The following SLC44A5 variants were observed in gnomAD, a reference collection of about 807,000 sequenced individuals.
SLC44A5 encodes solute carrier family 44 member 5.
In SLC44A5, 57 loss-of-function variants were observed where a neutral mutation model predicts 101.8. That is an observed-to-expected ratio of 0.56 (90% CI 0.45 to 0.70). The LOEUF (loss-of-function observed/expected upper bound fraction) is 0.70. SLC44A5 is among the 30% of genes least tolerant of loss of function. The pLI, the probability that SLC44A5 is intolerant of heterozygous loss-of-function variation, is 0.00. For missense variants in SLC44A5, 737 were observed against 853.1 expected (o/e 0.86, Z 1.70); for synonymous variants, 281 against 290.9 (o/e 0.97, Z 0.35).
At chr1:75,625,670 A>G in the SLC44A5 span, among the ~76,000 whole-genome samples, 1 of 152,130 alleles carries the variant, frequency 6.6e-6, no homozygotes, top group Non-Finnish European at 1.5e-5. Flanking sequence ...GGGCCAGTGA[A>G]GCTGGACTAT....
the SLC44A5 span, among the ~76,000 whole-genome samples, chr1:75,655,111 C>T: frequency 1.3e-5 from 2 of 152,078 alleles, no homozygotes; most frequent in African/African-American, 2.4e-5. Flanking sequence ...TTAGCTAATG[C>T]TTCTGTTATC....
intron 2 of SLC44A5, among the ~76,000 whole-genome samples, chr1:75,410,131 A>G (rs1425878937): frequency 1.3e-5 from 2 of 152,114 alleles, no homozygotes; most frequent in South Asian, 2.1e-4. Flanking sequence ...TATGTTATAT[A>G]TGTTACACAT....
chr1:75,540,200 C>A (rs1671283193), intron 2 of SLC44A5, among the ~76,000 whole-genome samples: 1 of 152,160 alleles, frequency 6.6e-6, no homozygotes, highest in Non-Finnish European at 1.5e-5. Flanking sequence ...TACTACTTCT[C>A]AGGCACTGTG....
rs145539620 is a variant in SLC44A5 at position 75,552,258 on chromosome 1, T to C, written c.-69-10742A>G. On this transcript the variant is annotated intron_variant, in intron 1 of 23. Coordinates refer to ENST00000370859, the MANE Select transcript of SLC44A5 (RefSeq NM_001130058.2). Reference sequence around the variant, plus strand: ...TAGTGTCCTTTCCATCCCTAGTATCTGTAAACTATATTCACTACTAAATTC... The same window carrying C: ...TAGTGTCCTTTCCATCCCTAGTATCCGTAAACTATATTCACTACTAAATTC... Among the ~76,000 whole-genome samples, 1,181 of 152,216 alleles carry C rather than the reference T, an allele frequency of 7.8e-3. 14 individuals carry two copies. Among genetic ancestry groups the C allele is most frequent in the African/African-American group, 0.027 (1,124 of 41,530 alleles).
chr1:75,399,716 G>A (rs900890448), intron 2 of SLC44A5, among the ~76,000 whole-genome samples: 1 of 152,270 alleles, frequency 6.6e-6, no homozygotes, highest in East Asian at 1.9e-4. Flanking sequence ...TAAAAAAATT[G>A]TATATCTGGA....
At chr1:75,207,638 G>A (rs1034509929) in intron 23 of SLC44A5, among the ~76,000 whole-genome samples, 1 of 152,134 alleles carries the variant, frequency 6.6e-6, no homozygotes, top group Non-Finnish European at 1.5e-5. Context: ...AAAAGCAAAA[G>A]AGGGAACATG....
At chr1:75,681,799 G>A in the SLC44A5 span, among the ~76,000 whole-genome samples, 25 of 151,722 alleles carry the variant, frequency 1.6e-4, no homozygotes, top group African/African-American at 6.1e-4. Context: ...ATTCAATTAG[G>A]AAAAGAGGAA....
intron 2 of SLC44A5, among the ~76,000 whole-genome samples, chr1:75,409,933 T>TATA (rs563021785): frequency 1.9e-3 from 284 of 152,238 alleles, no homozygotes; most frequent in African/African-American, 6.2e-3. Flanking sequence ...CATACATACA[T>TATA]ATATACTTGC....
In SLC44A5 at chr1:75,414,317, ATC is replaced by A. The variant is rs1201374469; in HGVS notation, c.14-17698_14-17697del. On this transcript the variant is annotated intron_variant, in intron 2 of 23. Coordinates refer to ENST00000370859, the MANE Select transcript of SLC44A5 (RefSeq NM_001130058.2). ...TACATACATACATACATACATACAT[ATC>A]CACATACACACACACACACACACAC... Among the ~76,000 whole-genome samples the A allele has an allele frequency of 4.3e-3, 579 of 133,940 alleles. 3 individuals carry two copies. The highest frequency in any genetic ancestry group is 0.017 in the African/African-American group (546 of 32,808). The allele number at this position is 133,940 out of a possible 152,430, so 87.9% of individuals were successfully genotyped here.
chr1:75,457,623 C>T (rs527665310), intron 2 of SLC44A5, among the ~76,000 whole-genome samples: 3 of 152,176 alleles, frequency 2.0e-5, no homozygotes, highest in South Asian at 4.2e-4. Context: ...TTTGGGAGGC[C>T]GAGGTGGGTG....
chr1:75,626,790 C>T, the SLC44A5 span, among the ~76,000 whole-genome samples: 33 of 152,156 alleles, frequency 2.2e-4, no homozygotes, highest in Admixed American at 1.8e-3. Flanking sequence ...TCCATCTTCA[C>T]ATTGATGCCT....
chr1:75,430,603 C>T (rs1473828632), intron 2 of SLC44A5, among the ~76,000 whole-genome samples: 1 of 152,122 alleles, frequency 6.6e-6, no homozygotes, highest in Non-Finnish European at 1.5e-5. Flanking sequence ...GAAACTTAGA[C>T]TTTATCATAT....
the SLC44A5 span, among the ~76,000 whole-genome samples, chr1:75,686,133 T>C: frequency 6.6e-6 from 1 of 152,122 alleles, no homozygotes; most frequent in East Asian, 1.9e-4. Flanking sequence ...GTCCCTCCCA[T>C]GACACATGGA....
At chr1:75,304,309 TG>T (rs1557643025) in intron 4 of SLC44A5, among the ~76,000 whole-genome samples, 7 of 151,482 alleles carry the variant, frequency 4.6e-5, no homozygotes, top group South Asian at 2.1e-4. Context: ...TGTGTGTGTG[TG>T]TGTGTGTGTG....
At chr1:75,655,925 G>A in the SLC44A5 span, among the ~76,000 whole-genome samples, 1 of 152,110 alleles carries the variant, frequency 6.6e-6, no homozygotes, top group Non-Finnish European at 1.5e-5. Context: ...ATACAAAGAA[G>A]ATTCAAACCA....
chr1:75,552,116 C>A (rs1390085247), intron 1 of SLC44A5, among the ~76,000 whole-genome samples: 2 of 152,078 alleles, frequency 1.3e-5, no homozygotes, highest in East Asian at 3.9e-4. Flanking sequence ...CGTATATATT[C>A]TGAGGAATAA....
At chr1:75,212,179 T>C (rs1470533295) in intron 22 of SLC44A5, among the ~76,000 whole-genome samples, 2 of 152,174 alleles carry the variant, frequency 1.3e-5, no homozygotes, top group African/African-American at 4.8e-5. Flanking sequence ...GAATTCTTTT[T>C]AAACTTTTAT....
intron 1 of SLC44A5, among the ~76,000 whole-genome samples, chr1:75,578,224 T>C (rs974370159): frequency 6.6e-6 from 1 of 152,138 alleles, no homozygotes; most frequent in African/African-American, 2.4e-5. Flanking sequence ...TGGTTCTGTA[T>C]TCATTTTTTA....
At chr1:75,627,032 A>G in the SLC44A5 span, among the ~76,000 whole-genome samples, 1 of 152,068 alleles carries the variant, frequency 6.6e-6, no homozygotes, top group African/African-American at 2.4e-5. Flanking sequence ...TTTGTTTTCA[A>G]TCACATTGTT....
Sources: allele counts gnomAD v4.1 joint callset (sites outside exome capture counted in the v4.1 genomes callset), GRCh38; gene constraint gnomAD v4.1.1; transcripts MANE v1.5; gene names NCBI Gene and HGNC (gene_info 2026-07-23, HGNC 2026-07-21).